Variants in GMPS observed in about 807,000 individuals in gnomAD.
The protein encoded by GMPS is guanosine monophosphate synthase.
In GMPS, 15 loss-of-function variants were observed where a neutral mutation model predicts 77.9. That is an observed-to-expected ratio of 0.19 (90% confidence interval 0.13 to 0.30). The LOEUF is 0.30. Ranked by LOEUF, GMPS falls within the 10% of genes least tolerant of loss-of-function variation. The probability of loss-of-function intolerance (pLI) is 1.00; values close to 1 mark genes in which losing one functional copy is unlikely to be tolerated. For missense variants in GMPS, 590 were observed against 838.8 expected (o/e 0.70, Z 3.66); for synonymous variants, 224 against 275.9 (o/e 0.81, Z 1.86).
At chr3:155,874,186 A>T (rs1753974183) in intron 1 of GMPS, among the ~76,000 whole-genome samples, 1 of 152,288 alleles carries the variant, frequency 6.6e-6, no homozygotes, top group East Asian at 1.9e-4. Context: ...TTAAGGCAGC[A>T]TTATCAGAGT....
At chr3:155,871,491 C>T (rs1406307967) in intron 1 of GMPS, among the ~76,000 whole-genome samples, 1 of 152,228 alleles carries the variant, frequency 6.6e-6, no homozygotes, top group Non-Finnish European at 1.5e-5. Flanking sequence ...TCTGGACGAA[C>T]CCCTCGGAGC....
intron 9 of GMPS, 27 bp downstream of exon 9, chr3:155,916,219 A>G (rs1351297679): frequency 1.4e-6 from 2 of 1,460,452 alleles, no homozygotes; most frequent in Non-Finnish European, 1.9e-6. Context: ...ACTTTTTCAT[A>G]AAGTAGATAC....
At chr3:155,897,155 G>A (rs1325596783) in intron 2 of GMPS, among the ~76,000 whole-genome samples, 1 of 152,016 alleles carries the variant, frequency 6.6e-6, no homozygotes, top group Non-Finnish European at 1.5e-5. Context: ...CTGAATTTTT[G>A]TGAAATTCTT....
Position 155,941,264 on chromosome 3 carries a change from C to T in GMPS, c.*3572C>T, listed in dbSNP as rs149940333. 1.7e-3 allele frequency: 293 copies of T among 176,298 alleles called. 5 individuals are homozygous for T. In the East Asian group the frequency reaches 0.027, roughly 16 times the overall value. 10.9% of individuals were successfully genotyped at this position (176,298 alleles called of 1,614,324 possible). ...CTAAAAATACAACAAATTAGCTGGG[C>T]GCGGTGGCGGGTGCCTGTAGTCCCA... On this transcript the variant is annotated 3_prime_UTR_variant, in exon 16 of 16. Coordinates refer to ENST00000496455, the MANE Select transcript of GMPS (RefSeq NM_003875.3).
At chr3:155,922,977 T>C (rs750444442) in intron 11 of GMPS, among the ~76,000 whole-genome samples, 4 of 152,116 alleles carry the variant, frequency 2.6e-5, no homozygotes, top group African/African-American at 4.8e-5. Flanking sequence ...AGGATTCTCA[T>C]AGATAGATTT....
chr3:155,941,972 A>G lies in GMPS; in HGVS notation c.*4280A>G, dbSNP rs548043245. Reference sequence around the variant, plus strand: ...CTCACTGAACTCTAACCTTTTTGTCAGTGTTCCTCAACACTGGATGCGTAT... The same window carrying G: ...CTCACTGAACTCTAACCTTTTTGTCGGTGTTCCTCAACACTGGATGCGTAT... On this transcript the variant is annotated 3_prime_UTR_variant, in exon 16 of 16. Transcript: ENST00000496455. The G allele has an allele frequency of 1.9e-5, 4 of 211,372 alleles. No individual in the cohort carries two copies. The South Asian group carries it at 7.4e-4, about 39-fold the overall frequency. 13.1% of individuals were successfully genotyped at this position (211,372 alleles called of 1,614,324 possible).
chr3:155,919,387 T>C (rs1231144319), intron 10 of GMPS, 49 bp downstream of exon 10: 2 of 861,802 alleles, frequency 2.3e-6, no homozygotes. Context: ...GACCTTCATG[T>C]TGAAGAAAAA....
chr3:155,906,387 T>A (rs1754883004), intron 5 of GMPS, 124 bp downstream of exon 5: 1 of 541,180 alleles, frequency 1.8e-6, no homozygotes, highest in South Asian at 3.1e-5. Flanking sequence ...CTCTTTTTTT[T>A]AAAGATAATA....
rs377391688 is a variant in GMPS, at chr3:155,939,915, A to AGCTC, written c.*2224_*2227dup. ...CTTCCATTTTACAGTTAAGAAAACA[A>AGCTC]GCTCACCTTAGGCATGGTTACTTAA... On this transcript the variant is annotated 3_prime_UTR_variant, in exon 16 of 16. Coordinates refer to ENST00000496455, the MANE Select transcript of GMPS (RefSeq NM_003875.3). The AGCTC allele has an allele frequency of 2.1e-3, 419 of 202,542 alleles. 2 individuals are homozygous for AGCTC. In the East Asian group the frequency reaches 0.023, roughly 11 times the overall value. 12.5% of individuals were successfully genotyped at this position (202,542 alleles called of 1,614,324 possible).
intron 1 of GMPS, among the ~76,000 whole-genome samples, chr3:155,875,385 C>G (rs905762231): frequency 6.6e-6 from 1 of 152,022 alleles, no homozygotes; most frequent in Non-Finnish European, 1.5e-5. Flanking sequence ...CGCATGCCGC[C>G]GTGCCTGGCT....
chr3:155,909,982 C>G lies in GMPS; in HGVS notation c.527-710C>G, dbSNP rs550260168. Among the ~76,000 whole-genome samples the G allele has an allele frequency of 1.2e-3, 183 of 151,912 alleles. 1 individual carries two copies. Among genetic ancestry groups the G allele is most frequent in the African/African-American group, 4.2e-3 (176 of 41,452 alleles). On this transcript the variant is annotated intron_variant, in intron 5 of 15. Transcript: ENST00000496455. ...AAAATAGGCCGGGCGCAGTGGCTCACGCCTGTAATCCCAGCACTTTGGGAG... is the reference window on the plus strand; with the variant it reads ...AAAATAGGCCGGGCGCAGTGGCTCAGGCCTGTAATCCCAGCACTTTGGGAG...
At chr3:155,873,638 CTT>C (rs58365650) in intron 1 of GMPS, among the ~76,000 whole-genome samples, 6 of 82,558 alleles carry the variant, frequency 7.3e-5, no homozygotes, top group Admixed American at 1.8e-4. Context: ...TGAGTAAGTT[CTT>C]TTTTTTTTTT....
chr3:155,914,442 T>C lies in GMPS; in HGVS notation c.910T>C (p.Tyr304His), dbSNP rs753874342. The C allele has an allele frequency of 1.9e-6, 3 of 1,579,420 alleles. No individual in the cohort carries two copies. Among genetic ancestry groups the C allele is most frequent in the Non-Finnish European group, 2.6e-6 (3 of 1,167,964 alleles). ...VKVINAAHSFYNGTTTLPISD... is the reference protein window; with the variant it reads ...VKVINAAHSFHNGTTTLPISD... ...AGTGATAAATGCTGCTCATTCTTTC[T>C]ACAATGGAACAACAACCCTACCAAT... Residue 304 changes from tyrosine (Y) to histidine (H), a missense_variant, in exon 8 of 16, where the codon TAC (tyrosine) becomes CAC (histidine). Tyr to His is a moderately conservative substitution (Grantham distance 83, BLOSUM62 2). Transcript: ENST00000496455.
At chr3:155,873,671 G>A (rs183181564) in intron 1 of GMPS, among the ~76,000 whole-genome samples, 9 of 101,192 alleles carry the variant, frequency 8.9e-5, no homozygotes, top group African/African-American at 2.1e-4. Flanking sequence ...GTCTAGCTCT[G>A]TCGCCCAGGC....
rs1419932413 is a variant in GMPS at position 155,942,499 on chromosome 3, A to G, written c.*4807A>G. The G allele has an allele frequency of 4.4e-6, 1 of 226,220 alleles. No individual in the cohort carries two copies. The highest frequency in any genetic ancestry group is 2.2e-5 in the African/African-American group (1 of 44,934). 14.0% of individuals were successfully genotyped at this position (226,220 alleles called of 1,614,324 possible). A position where few individuals can be genotyped will look rare whatever the true frequency, so the allele number is the denominator to read the frequency against. On this transcript the variant is annotated 3_prime_UTR_variant, in exon 16 of 16. Transcript: ENST00000496455. ...TCTTTGTCAAACCTATAGGAGAGAG[A>G]TGCAGGCCATAGAGATGGTCTTGCT...
chr3:155,901,226 A>G (rs906182309), intron 3 of GMPS, among the ~76,000 whole-genome samples: 10 of 151,986 alleles, frequency 6.6e-5, no homozygotes, highest in Non-Finnish European at 4.4e-5. Flanking sequence ...GCATATGTTT[A>G]TATTCCTAAA....
rs1159633547 is a variant in GMPS at position 155,939,087 on chromosome 3, C to T, written c.*1395C>T. The T allele has an allele frequency of 1.8e-5, 4 of 217,692 alleles. No homozygotes were observed. The highest frequency in any genetic ancestry group is 3.7e-5 in the Non-Finnish European group (4 of 108,276). 13.5% of individuals were successfully genotyped at this position (217,692 alleles called of 1,614,324 possible). On this transcript the variant is annotated 3_prime_UTR_variant, in exon 16 of 16. Coordinates refer to ENST00000496455, the MANE Select transcript of GMPS (RefSeq NM_003875.3). ...TTTTTATTCTGGCTGGTCCAGGGAA[C>T]AAGAAAACTGCTGCTGGACCAGCAA... is the stretch of plus-strand genomic sequence containing the variant.
chr3:155,871,289 C>G (rs929098364), intron 1 of GMPS, among the ~76,000 whole-genome samples: 15 of 152,056 alleles, frequency 9.9e-5, no homozygotes, highest in Non-Finnish European at 1.5e-4. Flanking sequence ...CCCACCCCGT[C>G]CCTCTGGGAG....
rs75068035 is a variant in GMPS, at chr3:155,875,788, C to T, written c.27+4891C>T. Among the ~76,000 whole-genome samples, 415 of 152,114 alleles carry T rather than the reference C, an allele frequency of 2.7e-3. 8 individuals are homozygous for T. The East Asian group carries it at 0.03, about 11-fold the overall frequency. On this transcript the variant is annotated intron_variant, in intron 1 of 15. Transcript: ENST00000496455. ...AGAAGGACGGTGGTTAAAAAAATTG[C>T]TTTATTATAGTAAAAACATAACAGT...
Sources: allele counts gnomAD v4.1 joint callset (sites outside exome capture counted in the v4.1 genomes callset), GRCh38; gene constraint gnomAD v4.1.1; transcripts MANE v1.5; gene names NCBI Gene and HGNC (gene_info 2026-07-23, HGNC 2026-07-21).